ZBTB20: variants seen among roughly 807,000 people sequenced by gnomAD.
The protein encoded by ZBTB20 is zinc finger and BTB domain containing 20.
ZBTB20 carries 9 observed loss-of-function variants against 56.9 expected under a neutral mutation model. The observed-to-expected ratio is 0.16, with a 90% CI of 0.10 to 0.28. The LOEUF is 0.28. Ranked by LOEUF, ZBTB20 falls within the 10% of genes least tolerant of loss-of-function variation. ZBTB20 has a pLI of 1.00. For missense variants in ZBTB20, 655 were observed against 1,003.0 expected, an observed-to-expected ratio of 0.65 and a Z score of 4.69; for synonymous variants, 417 against 420.7, an observed-to-expected ratio of 0.99 and a Z score of 0.11.
At chr3:115,145,765 G>T (rs1338208701) in intron 1 of ZBTB20, among the ~76,000 whole-genome samples, 1 of 152,106 alleles carries the variant, frequency 6.6e-6, no homozygotes, top group Non-Finnish European at 1.5e-5. Flanking sequence ...GAACAGAAAT[G>T]AAAACAAACC....
rs2108081749 is a variant in ZBTB20 at position 114,339,117 on chromosome 3, C to A, written c.2114G>T (p.Gly705Val). The change falls in exon 12 of 12, where the codon GGC (glycine) becomes GTC (valine). Residue 705 changes from glycine (G) to valine (V), a missense_variant. Physicochemically the swap from Gly to Val is moderately radical, Grantham distance 109 (BLOSUM62 -3). Coordinates refer to ENST00000675478, the MANE Select transcript of ZBTB20 (RefSeq NM_001348800.3). This position sits in a 1 kb window ranked among gnomAD's most constrained non-coding sequence, Gnocchi z 4.2. ...TPPGARAGPP[G>V]VVACTEGTTY... ...GGTCCCCTCCGTGCAGGCCACCACG[C>A]CTGGGGGGCCAGCGCGGGCACCTGG... is the stretch of plus-strand genomic sequence containing the variant. The A allele has an allele frequency of 1.9e-6, 3 of 1,609,824 alleles. No individual in the cohort carries two copies. In the Admixed American group the frequency reaches 5.0e-5, roughly 27 times the overall value.
At chr3:115,124,736 G>C (rs992349852) in intron 1 of ZBTB20, among the ~76,000 whole-genome samples, 1 of 151,968 alleles carries the variant, frequency 6.6e-6, no homozygotes, top group Non-Finnish European at 1.5e-5. Context: ...AATCACTGAG[G>C]AAACACAAGA....
chr3:114,689,315 T>C (rs1365517604), intron 6 of ZBTB20, among the ~76,000 whole-genome samples: 3 of 152,176 alleles, frequency 2.0e-5, no homozygotes, highest in Non-Finnish European at 4.4e-5. Context: ...AAACCACTTA[T>C]CTTGCTTTTG....
rs576393583 is a variant in ZBTB20, at chr3:114,531,903, G to A, written c.-294-31512C>T. ...CACACAGGGTTGGGGAATTCCCTCCGTTAGCCGAGAAAGCCGCGAGGGACT... is the reference window on the plus strand; with the variant it reads ...CACACAGGGTTGGGGAATTCCCTCCATTAGCCGAGAAAGCCGCGAGGGACT... On this transcript the variant is annotated intron_variant, in intron 6 of 11. Transcript: ENST00000675478. Among the ~76,000 whole-genome samples the A allele has an allele frequency of 7.2e-5, 11 of 152,264 alleles. No individual in the cohort carries two copies. In the South Asian group the frequency reaches 8.3e-4, roughly 11 times the overall value.
intron 3 of ZBTB20, among the ~76,000 whole-genome samples, chr3:114,920,931 C>G (rs542339711): frequency 1.3e-5 from 2 of 152,096 alleles, no homozygotes; most frequent in Admixed American, 6.5e-5. Context: ...CAGAAACACA[C>G]AGGATTATAA....
intron 7 of ZBTB20, among the ~76,000 whole-genome samples, chr3:114,432,677 A>G (rs1465231729): frequency 6.6e-6 from 1 of 152,220 alleles, no homozygotes. Context: ...GCTGTGAGAC[A>G]GACTTTTTGA....
intron 5 of ZBTB20, among the ~76,000 whole-genome samples, chr3:114,708,899 T>C (rs764739799): frequency 1.3e-5 from 2 of 152,144 alleles, no homozygotes; most frequent in Non-Finnish European, 2.9e-5. Context: ...AAAGCACATT[T>C]ATTTCATAGT....
chr3:114,748,414 C>T (rs890311517), intron 5 of ZBTB20, among the ~76,000 whole-genome samples: 1 of 128,312 alleles, frequency 7.8e-6, no homozygotes, highest in Non-Finnish European at 1.7e-5. Flanking sequence ...CTTCCTCTTT[C>T]TCTCTCTCTC....
At chr3:114,501,138 C>T (rs1431972294) in intron 6 of ZBTB20, among the ~76,000 whole-genome samples, 2 of 152,180 alleles carry the variant, frequency 1.3e-5, no homozygotes, top group Non-Finnish European at 2.9e-5. Context: ...CCCCTTCTCA[C>T]CAGCCTAGAA....
intron 5 of ZBTB20, among the ~76,000 whole-genome samples, chr3:114,787,684 A>T (rs1489692828): frequency 1.3e-5 from 2 of 151,976 alleles, no homozygotes; most frequent in Non-Finnish European, 2.9e-5. Flanking sequence ...AATTCATAGA[A>T]CTGTATACCA....
intron 6 of ZBTB20, among the ~76,000 whole-genome samples, chr3:114,514,182 A>C (rs1183829308): frequency 6.6e-6 from 1 of 152,060 alleles, no homozygotes; most frequent in Non-Finnish European, 1.5e-5. Flanking sequence ...AAAATTTAAC[A>C]AAGGATTTAT....
chr3:114,544,415 TTCTTTCTTTCTTTCTTTCTTTC>T (rs2049502348), intron 6 of ZBTB20, among the ~76,000 whole-genome samples: 1 of 12,770 alleles, frequency 7.8e-5, no homozygotes, highest in Non-Finnish European at 2.0e-4. Flanking sequence ...TCTTCTTTCT[TTCTTTCTTTCTTTCTTTCTTTC>T]TTTCTTTCTT....
At chr3:114,494,390 T>A (rs954322893) in intron 7 of ZBTB20, among the ~76,000 whole-genome samples, 1 of 152,152 alleles carries the variant, frequency 6.6e-6, no homozygotes, top group African/African-American at 2.4e-5. Context: ...GTGGCTCTGG[T>A]TCCCATTTTC....
chr3:114,668,042 T>C (rs2061158000), intron 6 of ZBTB20, among the ~76,000 whole-genome samples: 1 of 152,202 alleles, frequency 6.6e-6, no homozygotes, highest in Middle Eastern at 3.4e-3. Flanking sequence ...GATTATAACA[T>C]AGTTGATTAT....
intron 5 of ZBTB20, among the ~76,000 whole-genome samples, chr3:114,758,102 TC>T (rs1311477644): frequency 2.0e-5 from 3 of 152,164 alleles, no homozygotes; most frequent in African/African-American, 4.8e-5. Context: ...AAGCGCATTT[TC>T]CAGGTTATCA....
chr3:115,059,702 A>G (rs924296935), intron 2 of ZBTB20, among the ~76,000 whole-genome samples: 37 of 152,098 alleles, frequency 2.4e-4, no homozygotes, highest in Non-Finnish European at 1.2e-4. Context: ...CCTGAATTTC[A>G]ATTTCTATCT....
chr3:114,443,010 C>T (rs985790006), intron 7 of ZBTB20, among the ~76,000 whole-genome samples: 2 of 152,070 alleles, frequency 1.3e-5, no homozygotes, highest in Admixed American at 6.6e-5. Flanking sequence ...GATAAAAATG[C>T]TATACTTGCC....
intron 2 of ZBTB20, among the ~76,000 whole-genome samples, chr3:115,064,391 T>C (rs568368563): frequency 1.3e-5 from 2 of 151,862 alleles, no homozygotes; most frequent in Non-Finnish European, 2.9e-5. Context: ...TTATACGTAA[T>C]TGGTAGTTTG....
chr3:114,559,848 G>GA, intron 6 of ZBTB20, among the ~76,000 whole-genome samples: 1 of 152,286 alleles, frequency 6.6e-6, no homozygotes, highest in East Asian at 1.9e-4. Context: ...AAGACGATGA[G>GA]AAGGGAGGTA....
Sources: gnomAD v4.1 joint callset for allele counts (sites outside exome capture counted in the v4.1 genomes callset) on GRCh38, gnomAD v4.1.1 for gene constraint, Gnocchi (gnomAD v3.1) non-coding constraint, MANE v1.5 for transcripts, NCBI Gene and HGNC (gene_info 2026-07-23, HGNC 2026-07-21) for gene names.